TEK: variants seen among roughly 807,000 people sequenced by gnomAD.
TEK encodes angiopoietin-1 receptor.
Under a neutral mutation model 131.8 loss-of-function variants are expected in TEK, and 43 were observed. That is an observed-to-expected ratio of 0.33 (90% CI 0.26 to 0.42). The LOEUF (loss-of-function observed/expected upper bound fraction) is 0.42, where lower values mean the gene tolerates loss of function less well. TEK is among the 10% of genes least tolerant of loss of function. The pLI is 1.00. For missense variants in TEK, 1,162 were observed against 1,384.4 expected, an observed-to-expected ratio of 0.84 and a Z score of 2.55; for synonymous variants, 580 against 491.6, an observed-to-expected ratio of 1.18 and a Z score of -2.38.
chr9:27,184,263 A>C (rs1824510279), intron 8 of TEK, among the ~76,000 whole-genome samples: 1 of 152,190 alleles, frequency 6.6e-6, no homozygotes, highest in African/African-American at 2.4e-5. Context: ...TAAAAGGATC[A>C]AGCTACTTTT....
At position 27,172,677 on chromosome 9, in the gene TEK, T is replaced by C; in HGVS notation, c.690T>C (p.Asn230=). 1 of 1,613,744 alleles carries C rather than the reference T, an allele frequency of 6.2e-7. No individual in the cohort carries two copies. ...ATCTCTGTACTGCTTGTATGAACAA[T>C]GGTGTCTGCCATGAAGATACTGGAG... ...CNHLCTACMN[N]GVCHEDTGEC... is the part of the protein sequence containing the mutation. The change falls in exon 5 of 23, where the codon AAT becomes AAC. Residue 230 remains asparagine (N), a synonymous_variant. Transcript: ENST00000380036.
intron 19 of TEK, among the ~76,000 whole-genome samples, chr9:27,218,145 C>A (rs1467648183): frequency 6.9e-6 from 1 of 144,886 alleles, no homozygotes; most frequent in Non-Finnish European, 1.5e-5. Context: ...GGGGTCGTCT[C>A]TGCTTGCAGC....
chr9:27,220,258 C>A, intron 21 of TEK, 113 bp downstream of exon 21: 1 of 879,780 alleles, frequency 1.1e-6, no homozygotes, highest in Non-Finnish European at 1.9e-6. Flanking sequence ...AACACCTACA[C>A]ACAGAGATCC....
chr9:27,211,193 G>GTGTA, intron 16 of TEK, among the ~76,000 whole-genome samples: 1 of 146,932 alleles, frequency 6.8e-6, no homozygotes, highest in Middle Eastern at 3.3e-3. Flanking sequence ...ATGAATATAT[G>GTGTA]TATATATATG....
chr9:27,174,004 A>G (rs1054223540), intron 6 of TEK, among the ~76,000 whole-genome samples: 1 of 151,982 alleles, frequency 6.6e-6, no homozygotes, highest in African/African-American at 2.4e-5. Flanking sequence ...TGAAGAAGTT[A>G]AAATCTTACC....
intron 2 of TEK, among the ~76,000 whole-genome samples, chr9:27,159,010 C>T (rs1008227795): frequency 4.6e-5 from 7 of 152,154 alleles, no homozygotes; most frequent in Admixed American, 3.9e-4. Flanking sequence ...TAACCACAAA[C>T]CACAGTGGCA....
intron 2 of TEK, among the ~76,000 whole-genome samples, chr9:27,164,034 A>T (rs1324375717): frequency 6.6e-6 from 1 of 152,176 alleles, no homozygotes; most frequent in Non-Finnish European, 1.5e-5. Flanking sequence ...AGCAGTATCA[A>T]ATTTAAAATG....
At chr9:27,184,285 TC>T (rs1256525426) in intron 8 of TEK, among the ~76,000 whole-genome samples, 1 of 152,218 alleles carries the variant, frequency 6.6e-6, no homozygotes. Flanking sequence ...GAACATGCTT[TC>T]CTTCTCTCTC....
intron 1 of TEK, among the ~76,000 whole-genome samples, chr9:27,119,483 C>A (rs1406787107): frequency 6.6e-6 from 1 of 152,166 alleles, no homozygotes; most frequent in Non-Finnish European, 1.5e-5. Flanking sequence ...GGCAGGCAAC[C>A]CACATTCCAT....
chr9:27,140,824 T>G (rs1822698220), intron 1 of TEK, among the ~76,000 whole-genome samples: 2 of 152,166 alleles, frequency 1.3e-5, no homozygotes, highest in African/African-American at 4.8e-5. Context: ...CAAAGATACA[T>G]AGCTGTTATG....
chr9:27,218,136 G>GGGT lies in TEK; in HGVS notation c.3062+379_3062+381dup, dbSNP rs1564106277. Among the ~76,000 whole-genome samples the GGGT allele has an allele frequency of 2.0e-5, 3 of 150,450 alleles. 1 individual carries two copies. Among genetic ancestry groups the GGGT allele is most frequent in the East Asian group, 2.0e-4 (1 of 4,906 alleles). The stretch of plus-strand genomic sequence containing the variant: ...ACAAAATAAGGCCAGACAGTGGCGG[G>GGGT]GGTCGTCTCTGCTTGCAGCCTGCAG... On this transcript the variant is annotated intron_variant, in intron 19 of 22. Transcript: ENST00000380036.
chr9:27,130,894 A>G (rs1822188916), intron 1 of TEK, among the ~76,000 whole-genome samples: 1 of 152,114 alleles, frequency 6.6e-6, no homozygotes, highest in Admixed American at 6.6e-5. Context: ...AAACAAAACA[A>G]AACCTCATTG....
rs115133702 is a variant in TEK at position 27,163,307 on chromosome 9, T to C, written c.364+5165T>C. Among the ~76,000 whole-genome samples the C allele has an allele frequency of 5.7e-3, 871 of 152,230 alleles. 14 individuals carry two copies. The highest frequency in any genetic ancestry group is 0.02 in the African/African-American group (833 of 41,518). ...TTTCAAAACAGATGTGATCTTGCCC[T>C]CCTGGAACACCCAATCTAGTAGGGG... On this transcript the variant is annotated intron_variant, in intron 2 of 22. Transcript: ENST00000380036.
At chr9:27,154,175 T>C (rs1823237852) in intron 1 of TEK, among the ~76,000 whole-genome samples, 1 of 152,222 alleles carries the variant, frequency 6.6e-6, no homozygotes, top group Admixed American at 6.5e-5. Context: ...TATTTATTTA[T>C]TTTTATTACA....
At chr9:27,153,861 AC>A (rs1356036401) in intron 1 of TEK, among the ~76,000 whole-genome samples, 1 of 152,204 alleles carries the variant, frequency 6.6e-6, no homozygotes, top group Non-Finnish European at 1.5e-5. Flanking sequence ...GAAGCCACGG[AC>A]CACAGTTGTA....
chr9:27,133,406 C>G (rs1291776995), intron 1 of TEK, among the ~76,000 whole-genome samples: 4 of 152,174 alleles, frequency 2.6e-5, no homozygotes, highest in African/African-American at 9.7e-5. Context: ...TACCATTTTC[C>G]TTATGAGCCT....
intron 12 of TEK, among the ~76,000 whole-genome samples, chr9:27,201,363 T>C (rs1313189129): frequency 1.3e-5 from 2 of 152,192 alleles, no homozygotes; most frequent in Non-Finnish European, 2.9e-5. Flanking sequence ...GACCACTGGT[T>C]TATGAAGTTG....
chr9:27,127,169 G>A (rs145461768), intron 1 of TEK, among the ~76,000 whole-genome samples: 142 of 152,124 alleles, frequency 9.3e-4, no homozygotes, highest in African/African-American at 9.4e-4. Context: ...GATGGCCCCC[G>A]CACCCGTGTC....
chr9:27,183,725 G>T, intron 8 of TEK, 115 bp downstream of exon 8: 1 of 1,416,222 alleles, frequency 7.1e-7, no homozygotes, highest in Non-Finnish European at 9.9e-7. Context: ...CTAGTGTGTT[G>T]TTGGCTTTGA....
Sources: allele counts gnomAD v4.1 joint callset (sites outside exome capture counted in the v4.1 genomes callset), GRCh38; gene constraint gnomAD v4.1.1; transcripts MANE v1.5; gene names NCBI Gene and HGNC (gene_info 2026-07-23, HGNC 2026-07-21).